The following FHOD3 variants were observed in gnomAD, a reference collection of about 807,000 sequenced individuals.
The protein encoded by FHOD3 is FH1/FH2 domain-containing protein 3.
FHOD3 carries 90 observed loss-of-function variants against 173.0 expected under a neutral mutation model. The ratio of observed to expected loss-of-function variants is 0.52; its 90% CI spans 0.44 to 0.62. The LOEUF is 0.62. Among genes scored for constraint, FHOD3 ranks in the 20% least tolerant of loss-of-function variants. FHOD3 has a pLI of 0.00. For missense variants in FHOD3, 1,945 were observed against 2,034.7 expected, an observed-to-expected ratio of 0.96 and a Z score of 0.85; for synonymous variants, 828 against 823.0, an observed-to-expected ratio of 1.01 and a Z score of -0.10.
chr18:36,500,336 G>T (rs951484925), intron 3 of FHOD3, among the ~76,000 whole-genome samples: 2 of 152,154 alleles, frequency 1.3e-5, no homozygotes, highest in African/African-American at 2.4e-5. Context: ...CTCAGTGGGG[G>T]CCTATCCATT....
At chr18:36,593,794 C>T (rs1168574629) in intron 6 of FHOD3, among the ~76,000 whole-genome samples, 5 of 152,220 alleles carry the variant, frequency 3.3e-5, no homozygotes, top group Non-Finnish European at 7.3e-5. Context: ...GGCCCTGCAG[C>T]CACAGTGCAA....
intron 3 of FHOD3, among the ~76,000 whole-genome samples, chr18:36,491,918 C>G (rs534596493): frequency 6.6e-6 from 1 of 152,162 alleles, no homozygotes; most frequent in Non-Finnish European, 1.5e-5. Flanking sequence ...GAAGTTTTAG[C>G]CATTATGAAT....
At chr18:36,606,482 G>C (rs888755208) in intron 8 of FHOD3, among the ~76,000 whole-genome samples, 2 of 152,118 alleles carry the variant, frequency 1.3e-5, no homozygotes, top group Non-Finnish European at 2.9e-5. Flanking sequence ...TTTCAACACT[G>C]TTGCTTTGGG....
chr18:36,361,934 G>C (rs1046728951), intron 2 of FHOD3, among the ~76,000 whole-genome samples: 2 of 152,184 alleles, frequency 1.3e-5, no homozygotes, highest in African/African-American at 4.8e-5. Flanking sequence ...CACTGCGTGA[G>C]AAAGACGGCA....
chr18:36,753,423 C>A (rs2042490760), intron 24 of FHOD3, among the ~76,000 whole-genome samples: 1 of 152,218 alleles, frequency 6.6e-6, no homozygotes, highest in South Asian at 2.1e-4. Context: ...TTTAGTTTAT[C>A]CATGCATTAT....
At chr18:36,727,360 G>C (rs534307998) in intron 19 of FHOD3, among the ~76,000 whole-genome samples, 1 of 152,224 alleles carries the variant, frequency 6.6e-6, no homozygotes, top group South Asian at 2.1e-4. Flanking sequence ...GAGAGAGTTG[G>C]ACAGCCCTAC....
chr18:36,741,738 T>A (rs571118609), intron 21 of FHOD3, among the ~76,000 whole-genome samples: 2 of 151,680 alleles, frequency 1.3e-5, no homozygotes, highest in Admixed American at 1.3e-4. Flanking sequence ...CTTACTGTAC[T>A]CTAGCCTGGG....
At chr18:36,728,025 T>C (rs1037718306) in intron 19 of FHOD3, among the ~76,000 whole-genome samples, 3 of 152,224 alleles carry the variant, frequency 2.0e-5, no homozygotes, top group African/African-American at 7.2e-5. Flanking sequence ...ATCTCCATTC[T>C]AGGCAGGAAG....
chr18:36,382,823 G>A (rs1363595882), intron 3 of FHOD3, among the ~76,000 whole-genome samples: 1 of 152,162 alleles, frequency 6.6e-6, no homozygotes, highest in African/African-American at 2.4e-5. Context: ...TCCAGGTTAG[G>A]GAGAAGCCTA....
intron 4 of FHOD3, among the ~76,000 whole-genome samples, chr18:36,510,752 A>G (rs1046381900): frequency 6.6e-6 from 1 of 152,222 alleles, no homozygotes; most frequent in Non-Finnish European, 1.5e-5. Flanking sequence ...ATATGAGTGT[A>G]AAGTAATTTT....
In FHOD3 at chr18:36,465,850, C is replaced by T. The variant is rs184822621; in HGVS notation, c.338-36082C>T. Among the ~76,000 whole-genome samples, 131 of 152,130 alleles carry T rather than the reference C, an allele frequency of 8.6e-4. 1 individual carries two copies. Among genetic ancestry groups the T allele is most frequent in the Non-Finnish European group, 1.4e-3 (94 of 68,000 alleles). On this transcript the variant is annotated intron_variant, in intron 3 of 28. Coordinates refer to ENST00000590592, the MANE Select transcript of FHOD3 (RefSeq NM_001281740.3). ...GGTTTTTCCTTCTCTAATCTAAATCCTTCTAAATTACATTAACCTTAGATT... is the reference window on the plus strand; with the variant it reads ...GGTTTTTCCTTCTCTAATCTAAATCTTTCTAAATTACATTAACCTTAGATT...
At chr18:36,327,874 A>G (rs776936502) in intron 1 of FHOD3, among the ~76,000 whole-genome samples, 1 of 152,218 alleles carries the variant, frequency 6.6e-6, no homozygotes. Flanking sequence ...TGAAAGCACC[A>G]CAGGCAATAC....
intron 5 of FHOD3, among the ~76,000 whole-genome samples, chr18:36,526,242 T>C (rs2056504721): frequency 6.6e-6 from 1 of 152,058 alleles, no homozygotes; most frequent in African/African-American, 2.4e-5. Flanking sequence ...AAAAACACTG[T>C]ATTTGTTAGG....
At chr18:36,514,014 C>CTTTTTTTT (rs58493993) in intron 5 of FHOD3, among the ~76,000 whole-genome samples, 11 of 104,640 alleles carry the variant, frequency 1.1e-4, no homozygotes, top group Admixed American at 3.2e-4. Context: ...TATTTCTATT[C>CTTTTTTTT]TTTTTTTTTT....
intron 1 of FHOD3, among the ~76,000 whole-genome samples, chr18:36,331,048 C>T (rs560923021): frequency 1.3e-5 from 2 of 152,104 alleles, no homozygotes; most frequent in African/African-American, 2.4e-5. Context: ...TGCTTCTGGG[C>T]GCAAATCTCT....
At chr18:36,555,170 G>T (rs1186714968) in intron 5 of FHOD3, among the ~76,000 whole-genome samples, 5 of 152,100 alleles carry the variant, frequency 3.3e-5, no homozygotes, top group African/African-American at 1.2e-4. Context: ...GACTTGCAAT[G>T]CTGTAAATTT....
intron 3 of FHOD3, among the ~76,000 whole-genome samples, chr18:36,406,570 T>A (rs2049082186): frequency 6.6e-6 from 1 of 152,146 alleles, no homozygotes; most frequent in South Asian, 2.1e-4. Context: ...AGCAAACTCT[T>A]TTTGAAAATC....
rs770136711 is a variant in FHOD3, at chr18:36,652,810, A to G, written c.1527A>G (p.Ser509=). 1 of 1,535,900 alleles carries G rather than the reference A, an allele frequency of 6.5e-7. No homozygotes were observed. The highest frequency in any genetic ancestry group is 1.2e-5 in the South Asian group (1 of 84,044). The part of the protein sequence containing the change: ...SSATPGSLKV[S]PTIDKLPYVP... ...CCACACCAGGCTCCCTGAAGGTGTC[A>G]CCGACCATAGACAAGCTGCCCTACG... is the stretch of plus-strand genomic sequence containing the variant. Residue 509 remains serine, a synonymous_variant, in exon 12 of 29, where the codon TCA becomes TCG. Transcript: ENST00000590592.
Position 36,557,669 on chromosome 18 carries a change from A to G in FHOD3, c.512-18782A>G, listed in dbSNP as rs575673152. On this transcript the variant is annotated intron_variant, in intron 5 of 28. Transcript: ENST00000590592. ...GTGGTAATTTTTTATTGAATTTCAC[A>G]CACTGTGACTTGTACTTATTGCATG... Among the ~76,000 whole-genome samples the G allele has an allele frequency of 1.9e-3, 294 of 152,274 alleles. 3 individuals carry two copies. Among genetic ancestry groups the G allele is most frequent in the African/African-American group, 6.7e-3 (280 of 41,552 alleles).
Sources: gnomAD v4.1 joint callset for allele counts (sites outside exome capture counted in the v4.1 genomes callset) on GRCh38, gnomAD v4.1.1 for gene constraint, MANE v1.5 for transcripts, NCBI Gene and HGNC (gene_info 2026-07-23, HGNC 2026-07-21) for gene names.